Variants in BBS9 observed in about 807,000 individuals in gnomAD.
BBS9 encodes the protein Bardet-Biedl syndrome 9.
Under a neutral mutation model 117.7 loss-of-function variants are expected in BBS9, and 89 were observed. That is an observed-to-expected ratio of 0.76 (90% CI 0.64 to 0.90). BBS9 has a LOEUF of 0.90. Among genes scored for constraint, BBS9 ranks in the 40% least tolerant of loss-of-function variants. The pLI is 0.00. For synonymous variants in BBS9, 379 were observed against 370.9 expected (o/e 1.02, Z -0.25); for missense variants, 982 against 1,042.2 (o/e 0.94, Z 0.80).
chr7:33,493,069 A>G (rs1311025386), intron 19 of BBS9, among the ~76,000 whole-genome samples: 1 of 151,926 alleles, frequency 6.6e-6, no homozygotes, highest in East Asian at 1.9e-4. Context: ...TTCTTGGCTC[A>G]CTGCAGCCTC....
intron 19 of BBS9, among the ~76,000 whole-genome samples, chr7:33,455,340 A>G (rs898149626): frequency 3.3e-5 from 5 of 152,176 alleles, no homozygotes; most frequent in Non-Finnish European, 5.9e-5. Flanking sequence ...TCAGTTTCTG[A>G]GATGAGATAG....
At chr7:33,412,861 C>A (rs1035940459) in intron 19 of BBS9, among the ~76,000 whole-genome samples, 1 of 152,182 alleles carries the variant, frequency 6.6e-6, no homozygotes, top group Non-Finnish European at 1.5e-5. Flanking sequence ...TTATAAAGTA[C>A]TTCATCTTTT....
At position 33,562,677 on chromosome 7, in the gene BBS9, G is replaced by C. The variant is rs571060641; in HGVS notation, c.2521+28501G>C. Among the ~76,000 whole-genome samples, 5 of 152,318 alleles carry C rather than the reference G, an allele frequency of 3.3e-5. No individual in the cohort carries two copies. In the South Asian group the frequency reaches 1.0e-3, roughly 32 times the overall value. The stretch of plus-strand genomic sequence containing the variant: ...GCGGTGGCTCATGCCTATAATCCCA[G>C]CACTTTGAGAGGCCGAGGTGGGTGG... On this transcript the variant is annotated intron_variant, in intron 21 of 22. Coordinates refer to ENST00000242067, the MANE Select transcript of BBS9 (RefSeq NM_198428.3).
chr7:33,261,215 T>C (rs1444337645), intron 6 of BBS9, among the ~76,000 whole-genome samples: 2 of 152,184 alleles, frequency 1.3e-5, no homozygotes, highest in Non-Finnish European at 2.9e-5. Flanking sequence ...TTTTTCTCAA[T>C]TTACATAGTA....
intron 5 of BBS9, among the ~76,000 whole-genome samples, chr7:33,224,193 G>C (rs1562829280): frequency 1.3e-5 from 2 of 152,088 alleles, no homozygotes; most frequent in Non-Finnish European, 2.9e-5. Context: ...ATTTGTGTGT[G>C]CTATCTTATT....
chr7:33,185,986 A>G (rs1798754483), intron 5 of BBS9, among the ~76,000 whole-genome samples: 1 of 152,244 alleles, frequency 6.6e-6, no homozygotes, highest in African/African-American at 2.4e-5. Flanking sequence ...TGTTGATCCC[A>G]TAATAATGCT....
At position 33,630,441 on chromosome 7, in the gene BBS9, T is replaced by C. The variant is rs138081159; in HGVS notation, c.2522-4736T>C. On this transcript the variant is annotated intron_variant, in intron 21 of 21. Transcript: ENST00000671952. Reference sequence around the variant, plus strand: ...TCCTATAATTATGGTTCACAGTAAATTGCACTTACTGCCTGTTGAGCCAAC... The same window carrying C: ...TCCTATAATTATGGTTCACAGTAAACTGCACTTACTGCCTGTTGAGCCAAC... 1.8e-3 allele frequency among the ~76,000 whole-genome samples: 270 copies of C among 152,270 alleles called. 1 individual carries two copies. The highest frequency in any genetic ancestry group is 9.3e-3 in the South Asian group (45 of 4,826).
chr7:33,444,824 C>A (rs192512103), intron 19 of BBS9, among the ~76,000 whole-genome samples: 3 of 152,340 alleles, frequency 2.0e-5, no homozygotes, highest in South Asian at 4.1e-4. Context: ...CCAGTATAAT[C>A]TATTCTCCCT....
chr7:33,348,440 T>C (rs1428662881), intron 12 of BBS9, among the ~76,000 whole-genome samples: 1 of 152,198 alleles, frequency 6.6e-6, no homozygotes, highest in Admixed American at 6.5e-5. Flanking sequence ...AATATTTCAT[T>C]GTATGAATAT....
At chr7:33,566,584 G>A (rs1856961218) in intron 21 of BBS9, among the ~76,000 whole-genome samples, 1 of 151,994 alleles carries the variant, frequency 6.6e-6, no homozygotes, top group Non-Finnish European at 1.5e-5. Context: ...TTGAAAGGTA[G>A]AGATAAAAGA....
chr7:33,460,146 C>T (rs1434254305), intron 19 of BBS9, among the ~76,000 whole-genome samples: 5 of 152,042 alleles, frequency 3.3e-5, no homozygotes, highest in African/African-American at 4.8e-5. Context: ...GTCTACAAAT[C>T]GATAATTTGT....
intron 5 of BBS9, among the ~76,000 whole-genome samples, chr7:33,200,552 G>T (rs1260275832): frequency 2.0e-5 from 3 of 152,266 alleles, no homozygotes; most frequent in Admixed American, 6.5e-5. Context: ...AAAGGAAAAT[G>T]ATCTTAGTGG....
At chr7:33,501,499 A>G (rs1460680550) in intron 19 of BBS9, among the ~76,000 whole-genome samples, 1 of 152,160 alleles carries the variant, frequency 6.6e-6, no homozygotes, top group African/African-American at 2.4e-5. Context: ...GACTTAGACG[A>G]TGCTTCTGTC....
chr7:33,606,199 A>G (rs1206103097), downstream of BBS9: 1 of 152,202 alleles, frequency 6.6e-6, no homozygotes, highest in Admixed American at 6.5e-5. Context: ...CAGATATATT[A>G]TCAAAATAAC....
At chr7:33,491,340 A>G (rs75409526) in intron 19 of BBS9, among the ~76,000 whole-genome samples, 1,954 of 152,304 alleles carry the variant, frequency 0.013, 39 homozygotes, top group African/African-American at 0.043. Context: ...GAAAACCATT[A>G]AAGTGTTTAT....
chr7:33,385,932 GA>G (rs1825924007), intron 18 of BBS9, among the ~76,000 whole-genome samples: 1 of 152,028 alleles, frequency 6.6e-6, no homozygotes, highest in African/African-American at 2.4e-5. Flanking sequence ...TGCTTCTAAA[GA>G]GAACACTTGG....
intron 21 of BBS9, among the ~76,000 whole-genome samples, chr7:33,540,699 A>G (rs1852156647): frequency 6.6e-6 from 1 of 152,334 alleles, no homozygotes; most frequent in African/African-American, 2.4e-5. Flanking sequence ...AATTTTTTTC[A>G]AAAGGAAGTT....
chr7:33,232,852 GC>G (rs1792748753), intron 5 of BBS9, among the ~76,000 whole-genome samples: 1 of 152,118 alleles, frequency 6.6e-6, no homozygotes, highest in South Asian at 2.1e-4. Flanking sequence ...TTGAACAGAA[GC>G]CATAGTCTTT....
chr7:33,350,197 AT>A (rs1042448483), intron 13 of BBS9, among the ~76,000 whole-genome samples: 9 of 152,076 alleles, frequency 5.9e-5, no homozygotes, highest in Admixed American at 1.3e-4. Context: ...TAAGGCTTCT[AT>A]CTCTTATTCA....
Sources: gnomAD v4.1 joint callset for allele counts (sites outside exome capture counted in the v4.1 genomes callset) on GRCh38, gnomAD v4.1.1 for gene constraint, MANE v1.5 for transcripts, NCBI Gene and HGNC (gene_info 2026-07-23, HGNC 2026-07-21) for gene names.